The following ZNF19 variants were observed in gnomAD, a reference collection of about 807,000 sequenced individuals.
The protein encoded by ZNF19 is zinc finger protein 19 (KOX 12).
In ZNF19, 11 loss-of-function variants were observed where a neutral mutation model predicts 13.1. The ratio of observed to expected loss-of-function variants is 0.84; its 90% CI spans 0.53 to 1.39. The LOEUF is 1.39. Ranked by LOEUF, ZNF19 falls within the 40% of genes most tolerant of loss-of-function variation. ZNF19 has a pLI of 0.00. For synonymous variants in ZNF19, 186 were observed against 187.0 expected (o/e 0.99, Z 0.04); for missense variants, 560 against 547.0 (o/e 1.02, Z -0.24).
At chr16:71,478,525 G>A (rs1279631804) in intron 4 of ZNF19, 184 bp from the exon 5 acceptor site, 1 of 701,784 alleles carries the variant, frequency 1.4e-6, no homozygotes, top group Non-Finnish European at 2.6e-6. Context: ...AAACACTCAA[G>A]GATAAGTAAG....
In ZNF19 at chr16:71,484,636, T is replaced by G; in HGVS notation, c.-77A>C. 1.0e-6 allele frequency: 1 copy of G among 985,300 alleles called. No individual in the cohort carries two copies. Among genetic ancestry groups the G allele is most frequent in the Non-Finnish European group, 1.2e-6 (1 of 829,944 alleles). The allele number at this position is 985,300 out of a possible 1,614,324, so 61.0% of individuals were successfully genotyped here. ...GCGTGAACGGAAGTGCGTCACTACT[T>G]TGGCCTTGCACCCAGGCTCACACGC... On this transcript the variant is annotated 5_prime_UTR_variant, in exon 2 of 6. Transcript: ENST00000288177.
chr16:71,474,442 G>T lies in ZNF19; in HGVS notation c.*728C>A, dbSNP rs922107387. 10 of 152,176 alleles carry T rather than the reference G, an allele frequency of 6.6e-5. No individual in the cohort carries two copies. The highest frequency in any genetic ancestry group is 2.6e-4 in the Admixed American group (4 of 15,288). The allele number at this position is 152,176 out of a possible 1,614,324, so 9.4% of individuals were successfully genotyped here. A position where few individuals can be genotyped will look rare whatever the true frequency, so the allele number is the denominator to read the frequency against. On this transcript the variant is annotated 3_prime_UTR_variant, in exon 6 of 6. Transcript: ENST00000288177. ...GACTTTTCTTGAGAATGGATTCACT[G>T]GTGCAGACATAATTTTGTAGTACAA... is the stretch of plus-strand genomic sequence containing the variant.
chr16:71,477,067 G>C (rs997306875), intron 5 of ZNF19, among the ~76,000 whole-genome samples: 1 of 152,200 alleles, frequency 6.6e-6, no homozygotes, highest in African/African-American at 2.4e-5. Flanking sequence ...TGTTCCAAAA[G>C]ATTGGATGAC....
intron 3 of ZNF19, among the ~76,000 whole-genome samples, chr16:71,481,812 T>C (rs779917712): frequency 4.6e-5 from 7 of 152,158 alleles, no homozygotes; most frequent in Non-Finnish European, 1.0e-4. Context: ...CAATTCCCTC[T>C]GCAGAGGGAC....
At chr16:71,483,796 G>C (rs1339947862) in intron 2 of ZNF19, among the ~76,000 whole-genome samples, 1 of 152,222 alleles carries the variant, frequency 6.6e-6, no homozygotes, top group African/African-American at 2.4e-5. Flanking sequence ...AGATGAAGTA[G>C]AGAGAGAAGG....
chr16:71,479,562 T>C (rs904857078), intron 3 of ZNF19, among the ~76,000 whole-genome samples: 1 of 152,190 alleles, frequency 6.6e-6, no homozygotes, highest in African/African-American at 2.4e-5. Flanking sequence ...CTGGGCTGCC[T>C]GTGCTCAAGA....
At chr16:71,489,009 C>T (rs768856822) in intron 1 of ZNF19, 11 of 155,126 alleles carry the variant, frequency 7.1e-5, no homozygotes, top group Non-Finnish European at 9.9e-5. Context: ...TCTCCTGGTG[C>T]CCAGGCAGTG....
chr16:71,479,779 G>T (rs1044852964), intron 3 of ZNF19, among the ~76,000 whole-genome samples: 1 of 151,160 alleles, frequency 6.6e-6, no homozygotes, highest in Non-Finnish European at 1.5e-5. Flanking sequence ...TCTTTCTTTC[G>T]GTTTTGGTTC....
At chr16:71,487,941 T>TTAA (rs1183953252) in intron 1 of ZNF19, among the ~76,000 whole-genome samples, 1 of 152,202 alleles carries the variant, frequency 6.6e-6, no homozygotes, top group African/African-American at 2.4e-5. Context: ...GCAAACATAC[T>TTAA]TAATGATGAA....
intron 2 of ZNF19, 140 bp from the exon 3 acceptor site, chr16:71,482,283 T>A: frequency 1.4e-6 from 1 of 697,056 alleles, no homozygotes; most frequent in Non-Finnish European, 2.5e-6. Flanking sequence ...ATGTACTTTT[T>A]AATCCACATC....
In ZNF19 at chr16:71,474,974, C is replaced by A; in HGVS notation, c.*196G>T. On this transcript the variant is annotated 3_prime_UTR_variant, in exon 6 of 6. Transcript: ENST00000288177. ...CAGCATTAAAACCAATGGGGGTGGG[C>A]GGGGGGAGAGTATTTGTTCCTATTA... 1 of 628,580 alleles carries A rather than the reference C, an allele frequency of 1.6e-6. No individual in the cohort carries two copies. The highest frequency in any genetic ancestry group is 2.3e-5 in the South Asian group (1 of 43,740). 38.9% of individuals were successfully genotyped at this position (628,580 alleles called of 1,614,324 possible). A position where few individuals can be genotyped will look rare whatever the true frequency, so the allele number is the denominator to read the frequency against.
At position 71,476,158 on chromosome 16, in the gene ZNF19, G is replaced by A. The variant is rs1450647853; in HGVS notation, c.389C>T (p.Pro130Leu). 6.2e-7 allele frequency: 1 copy of A among 1,614,132 alleles called. No individual in the cohort carries two copies. Among genetic ancestry groups the A allele is most frequent in the Non-Finnish European group, 8.5e-7 (1 of 1,180,006 alleles). ...LKSVPQRTDF[P>L]ETRNVEKHQD... ...GTGCTTTTCCACATTACGTGTTTCT[G>A]GGAAGTCAGTTCTCTGAGGGACACT... Residue 130 changes from proline (P) to leucine (L), a missense_variant, in exon 6 of 6, where the codon CCA (proline) becomes CTA (leucine). By Grantham distance (98) the Pro-to-Leu change is moderately conservative (BLOSUM62 -3). Coordinates refer to ENST00000288177, the MANE Select transcript of ZNF19 (RefSeq NM_006961.4).
chr16:71,482,440 A>C, intron 2 of ZNF19: 1 of 287,328 alleles, frequency 3.5e-6, no homozygotes, highest in Non-Finnish European at 6.6e-6. Flanking sequence ...GCGAAACCTA[A>C]CAAGAAGAAT....
rs116766453 is a variant in ZNF19 at position 71,483,613 on chromosome 16, G to A, written c.-30+976C>T. 2.1e-3 allele frequency among the ~76,000 whole-genome samples: 317 copies of A among 152,274 alleles called. 1 individual carries two copies. The highest frequency in any genetic ancestry group is 6.8e-3 in the African/African-American group (283 of 41,548). On this transcript the variant is annotated intron_variant, in intron 2 of 5. Transcript: ENST00000288177. ...TATCCACCCTTCACCTTCAGATCATGATCGCTCTACAGACCAGGTCAGGTG... is the reference window on the plus strand; with the variant it reads ...TATCCACCCTTCACCTTCAGATCATAATCGCTCTACAGACCAGGTCAGGTG...
chr16:71,483,351 T>C (rs976379402), intron 2 of ZNF19, among the ~76,000 whole-genome samples: 11 of 152,250 alleles, frequency 7.2e-5, no homozygotes, highest in Admixed American at 3.3e-4. Flanking sequence ...GCATCTTCCC[T>C]ACAGGGACTT....
chr16:71,485,458 AAAAAAACC>A (rs2043671272), intron 1 of ZNF19, among the ~76,000 whole-genome samples: 1 of 147,242 alleles, frequency 6.8e-6, no homozygotes, highest in African/African-American at 2.7e-5. Context: ...CTCAAAAAAA[AAAAAAACC>A]AAAAAAACAA....
In ZNF19 at chr16:71,475,794, C is replaced by T. The variant is rs375143736; in HGVS notation, c.753G>A (p.Gly251=). ...GDRPYYCTEC[G]NSFTSSSEFV... Reference sequence around the variant, plus strand: ...ACTCGGAACTACTCGTGAAACTATTCCCACACTCTGTACAGTAATAGGGTC... The same window carrying T: ...ACTCGGAACTACTCGTGAAACTATTTCCACACTCTGTACAGTAATAGGGTC... Residue 251 remains glycine (G), a synonymous_variant, in exon 6 of 6, where the codon GGG becomes GGA. Transcript: ENST00000288177. 63 of 1,612,598 alleles carry T rather than the reference C, an allele frequency of 3.9e-5. No individual in the cohort carries two copies. The highest frequency in any genetic ancestry group is 4.8e-5 in the Non-Finnish European group (57 of 1,179,112).
intron 3 of ZNF19, among the ~76,000 whole-genome samples, chr16:71,481,519 A>G (rs1026347551): frequency 8.5e-5 from 13 of 152,186 alleles, no homozygotes; most frequent in Non-Finnish European, 1.6e-4. Context: ...GGCCTAACAG[A>G]TCCCTAACTT....
At position 71,478,129 on chromosome 16, in the gene ZNF19, A is replaced by G. The variant is rs2043613832; in HGVS notation, c.274+99T>C. On this transcript the variant is annotated intron_variant, in intron 5 of 5. Coordinates refer to ENST00000288177, the MANE Select transcript of ZNF19 (RefSeq NM_006961.4). ...TTTCATATTTTACCTATTAGGTGAA[A>G]TCATCTATTTTATTTAAATCCTGCC... 3.0e-5 allele frequency: 23 copies of G among 774,338 alleles called. No individual in the cohort carries two copies. In the South Asian group the frequency reaches 4.0e-4, roughly 14 times the overall value. 48.0% of individuals were successfully genotyped at this position (774,338 alleles called of 1,614,324 possible).
Sources: allele counts gnomAD v4.1 joint callset (sites outside exome capture counted in the v4.1 genomes callset), GRCh38; gene constraint gnomAD v4.1.1; transcripts MANE v1.5; gene names NCBI Gene and HGNC (gene_info 2026-07-23, HGNC 2026-07-21).